Variants in HLCS observed in about 807,000 individuals in gnomAD.
HLCS encodes biotin--protein ligase.
Under a neutral mutation model 75.0 loss-of-function variants are expected in HLCS, and 53 were observed. The observed-to-expected ratio is 0.71, with a 90% CI of 0.57 to 0.89. The LOEUF is 0.89. Among genes scored for constraint, HLCS ranks in the 40% least tolerant of loss-of-function variants. The probability of loss-of-function intolerance (pLI) is 0.00; values close to 1 mark genes in which losing one functional copy is unlikely to be tolerated. For missense variants in HLCS, 966 were observed against 1,074.0 expected, an observed-to-expected ratio of 0.90 and a Z score of 1.41; for synonymous variants, 431 against 428.6, an observed-to-expected ratio of 1.01 and a Z score of -0.07.
At chr21:36,931,304 A>G (rs1348274972) in intron 4 of HLCS, among the ~76,000 whole-genome samples, 1 of 144,588 alleles carries the variant, frequency 6.9e-6, no homozygotes, top group African/African-American at 2.6e-5. Context: ...AAAAAAAAAA[A>G]AAAAGACCTA....
chr21:36,959,433 G>A (rs999562897), intron 2 of HLCS, among the ~76,000 whole-genome samples: 1 of 152,188 alleles, frequency 6.6e-6, no homozygotes, highest in Non-Finnish European at 1.5e-5. Context: ...AAACAGCCTG[G>A]GCACCTTGGA....
intron 6 of HLCS, among the ~76,000 whole-genome samples, chr21:36,871,731 T>C (rs1179016632): frequency 6.6e-6 from 1 of 151,840 alleles, no homozygotes; most frequent in African/African-American, 2.4e-5. Flanking sequence ...GCAAAACATA[T>C]ATCTGAAAAA....
intron 5 of HLCS, among the ~76,000 whole-genome samples, chr21:36,910,699 G>T (rs2065666553): frequency 6.6e-6 from 1 of 152,136 alleles, no homozygotes; most frequent in South Asian, 2.1e-4. Context: ...TTTGCGAAAT[G>T]CCTGTCTGGG....
At chr21:36,832,534 G>A (rs1190076255) in intron 6 of HLCS, among the ~76,000 whole-genome samples, 1 of 152,188 alleles carries the variant, frequency 6.6e-6, no homozygotes, top group Non-Finnish European at 1.5e-5. Context: ...ACACAGTTCT[G>A]TTCACTTTAC....
chr21:36,879,292 G>C (rs562359516), intron 6 of HLCS, among the ~76,000 whole-genome samples: 6 of 152,140 alleles, frequency 3.9e-5, no homozygotes, highest in Non-Finnish European at 5.9e-5. Flanking sequence ...GAATTATACA[G>C]AACTGCTGGC....
chr21:36,947,282 C>T (rs1247119208), intron 2 of HLCS: 1 of 871,948 alleles, frequency 1.1e-6, no homozygotes, highest in Non-Finnish European at 1.4e-6. Flanking sequence ...CCAAAGAATA[C>T]ATCCACACAT....
chr21:36,850,617 G>C (rs932537797), intron 6 of HLCS, among the ~76,000 whole-genome samples: 1 of 135,994 alleles, frequency 7.4e-6, no homozygotes. Context: ...GGAGACCCCT[G>C]TTCCTCCCAG....
At chr21:36,927,280 A>G (rs1221892094) in intron 5 of HLCS, among the ~76,000 whole-genome samples, 2 of 152,124 alleles carry the variant, frequency 1.3e-5, no homozygotes, top group Non-Finnish European at 2.9e-5. Flanking sequence ...GGAGCCACAC[A>G]TGACTGGGTT....
In HLCS at chr21:36,772,842, A is replaced by G. The variant is rs561641127; in HGVS notation, c.1893-5557T>C. On this transcript the variant is annotated intron_variant, in intron 6 of 10. Coordinates refer to ENST00000674895, the MANE Select transcript of HLCS (RefSeq NM_001352514.2). The stretch of plus-strand genomic sequence containing the variant: ...CTAAAAATACAGAAATTAGCTGGGC[A>G]TGGTGGCGCGCACCTGTAGTCCCAG... Among the ~76,000 whole-genome samples the G allele has an allele frequency of 4.6e-5, 7 of 151,980 alleles. No homozygotes were observed. The South Asian group carries it at 1.5e-3, about 32-fold the overall frequency.
chr21:36,965,589 C>G (rs999261241), intron 1 of HLCS, among the ~76,000 whole-genome samples: 1 of 152,142 alleles, frequency 6.6e-6, no homozygotes, highest in Admixed American at 6.5e-5. Context: ...ATTTAAAAGA[C>G]GCAAAGACCA....
At chr21:36,850,924 C>T (rs2062978872) in intron 6 of HLCS, among the ~76,000 whole-genome samples, 1 of 152,114 alleles carries the variant, frequency 6.6e-6, no homozygotes, top group Non-Finnish European at 1.5e-5. Context: ...CCTTCGAGGA[C>T]ACTACCCCTG....
At chr21:36,815,603 CG>C (rs1222273503) in intron 6 of HLCS, among the ~76,000 whole-genome samples, 1 of 152,112 alleles carries the variant, frequency 6.6e-6, no homozygotes, top group African/African-American at 2.4e-5. Flanking sequence ...TGAGTAAAGA[CG>C]GGGGATAGGT....
intron 5 of HLCS, among the ~76,000 whole-genome samples, chr21:36,920,757 A>G (rs1480763388): frequency 6.6e-6 from 1 of 152,200 alleles, no homozygotes; most frequent in Non-Finnish European, 1.5e-5. Flanking sequence ...ACAGAAGGAA[A>G]AAATACACAG....
intron 1 of HLCS, among the ~76,000 whole-genome samples, chr21:36,976,336 C>T (rs2068935611): frequency 6.6e-6 from 1 of 152,126 alleles, no homozygotes; most frequent in South Asian, 2.1e-4. Context: ...GTTTGTGATA[C>T]CCTTTCTGTA....
intron 6 of HLCS, among the ~76,000 whole-genome samples, chr21:36,894,170 G>A (rs777296487): frequency 1.3e-5 from 2 of 152,090 alleles, no homozygotes; most frequent in Non-Finnish European, 2.9e-5. Context: ...CATGTAGGAC[G>A]TGCCTGCTTC....
chr21:36,844,806 C>T (rs2062739653), intron 6 of HLCS, among the ~76,000 whole-genome samples: 2 of 151,750 alleles, frequency 1.3e-5, no homozygotes, highest in South Asian at 4.2e-4. Context: ...GGGGAGAAAT[C>T]CGATCGATTG....
chr21:36,953,602 C>T (rs1462523070), intron 2 of HLCS, among the ~76,000 whole-genome samples: 1 of 152,132 alleles, frequency 6.6e-6, no homozygotes, highest in African/African-American at 2.4e-5. Context: ...AGACGCTGTA[C>T]ATCTTTTAGC....
Position 36,765,051 on chromosome 21 carries a change from CACGGACATCAGATGCTGGACAA to C in HLCS, c.2060_2081del (p.Phe687TrpfsTer7), listed in dbSNP as rs2089984034. 6.2e-7 allele frequency: 1 copy of C among 1,614,238 alleles called. No homozygotes were observed. On this transcript the variant is annotated frameshift_variant, in exon 8 of 11. Coordinates refer to ENST00000674895, the MANE Select transcript of HLCS (RefSeq NM_001352514.2). LOFTEE classifies it high-confidence loss of function. ...TGGACCTCACTGCTTCCACGACAGC[CACGGACATCAGATGCTGGACAA>C]ACGGGATCCTCTGTCCCAGCTGGGA...
In HLCS at chr21:36,818,034, G is replaced by A. The variant is rs78679264; in HGVS notation, c.1893-50749C>T. On this transcript the variant is annotated intron_variant, in intron 6 of 10. Coordinates refer to ENST00000674895, the MANE Select transcript of HLCS (RefSeq NM_001352514.2). ...GACCTTCTCCAAATCAATCCTTTGC[G>A]GATTAACATGTAAAGCAGTGTCGAA... Among the ~76,000 whole-genome samples the A allele has an allele frequency of 2.8e-3, 421 of 152,228 alleles. 4 individuals carry two copies. The highest frequency in any genetic ancestry group is 9.9e-3 in the African/African-American group (410 of 41,538).
Sources: allele counts gnomAD v4.1 joint callset (sites outside exome capture counted in the v4.1 genomes callset), GRCh38; gene constraint gnomAD v4.1.1; transcripts MANE v1.5; gene names NCBI Gene and HGNC (gene_info 2026-07-23, HGNC 2026-07-21).